Variants in ZNF326 observed in about 807,000 individuals in gnomAD.
ZNF326 encodes DBIRD complex subunit ZNF326.
Under a neutral mutation model 63.1 loss-of-function variants are expected in ZNF326, and 30 were observed. The ratio of observed to expected loss-of-function variants is 0.48; its 90% CI spans 0.36 to 0.64. The LOEUF (loss-of-function observed/expected upper bound fraction) is 0.64, where lower values mean the gene tolerates loss of function less well. Ranked by LOEUF, ZNF326 falls within the 30% of genes least tolerant of loss-of-function variation. The probability of loss-of-function intolerance (pLI) is 0.00; values close to 1 mark genes in which losing one functional copy is unlikely to be tolerated. For synonymous variants in ZNF326, 194 were observed against 228.2 expected (o/e 0.85, Z 1.35); for missense variants, 609 against 720.3 (o/e 0.85, Z 1.77).
intron 2 of ZNF326, among the ~76,000 whole-genome samples, chr1:90,003,258 G>C (rs1648782720): frequency 1.3e-5 from 2 of 151,972 alleles, no homozygotes; most frequent in Non-Finnish European, 2.9e-5. Flanking sequence ...AGCCTGCCGA[G>C]TAGCTGGGAC....
chr1:90,014,878 A>G (rs931117332), intron 7 of ZNF326, among the ~76,000 whole-genome samples: 6 of 152,148 alleles, frequency 3.9e-5, no homozygotes, highest in Admixed American at 1.3e-4. Flanking sequence ...TGTAAAAATC[A>G]TTTTACATTA....
Position 90,017,361 on chromosome 1 carries a change from A to C in ZNF326, c.971A>C (p.Glu324Ala). Residue 324 changes from glutamate to alanine, a missense_variant, in exon 8 of 12, where the codon GAA becomes GCA. By Grantham distance (107) the Glu-to-Ala change is moderately radical. Transcript: ENST00000340281. ...TTTTGTAAATTTCGAACATTTGAAG[A>C]AAAAGATATTGAACTGCATCTGGAA... is the stretch of plus-strand genomic sequence containing the variant. ...CSFCKFRTFE[E>A]KDIELHLESS... 6.2e-7 allele frequency: 1 copy of C among 1,605,174 alleles called. No individual in the cohort carries two copies. Among genetic ancestry groups the C allele is most frequent in the Non-Finnish European group, 8.5e-7 (1 of 1,177,410 alleles).
intron 1 of ZNF326, among the ~76,000 whole-genome samples, chr1:89,995,692 C>G (rs1557512046): frequency 6.6e-6 from 1 of 152,276 alleles, no homozygotes; most frequent in Non-Finnish European, 1.5e-5. Context: ...AGTTAATCCT[C>G]AGCCTCGGGT....
intron 7 of ZNF326, among the ~76,000 whole-genome samples, chr1:90,014,629 G>A (rs1247718536): frequency 1.3e-5 from 2 of 152,166 alleles, no homozygotes; most frequent in Middle Eastern, 3.4e-3. Context: ...TTTTCTTAAA[G>A]CCTTGAGCCC....
In ZNF326 at chr1:90,007,808, C is replaced by G. The variant is rs545019432; in HGVS notation, c.615+58C>G. ...CACTAGTCACTCTTTTAAACCCTTT[C>G]AAGACCATCGTTTTCAACTAGAATA... On this transcript the variant is annotated intron_variant, in intron 5 of 11. Transcript: ENST00000340281. This position sits in a 1 kb window ranked among gnomAD's most constrained non-coding sequence, Gnocchi z 4.9. The G allele has an allele frequency of 7.8e-6, 11 of 1,401,658 alleles. No individual in the cohort carries two copies. In the East Asian group the frequency reaches 2.7e-4, roughly 34 times the overall value. The allele number at this position is 1,401,658 out of a possible 1,614,324, so 86.8% of individuals were successfully genotyped here.
rs769893333 is a variant in ZNF326, at chr1:90,020,841, C to T, written c.1224C>T (p.Ser408=). The T allele has an allele frequency of 6.8e-6, 11 of 1,612,756 alleles. No individual in the cohort carries two copies. Among genetic ancestry groups the T allele is most frequent in the East Asian group, 4.5e-5 (2 of 44,820 alleles). The change falls in exon 10 of 12, where the codon AGC becomes AGT. Residue 408 remains serine (S), a synonymous_variant. Coordinates refer to ENST00000340281, the MANE Select transcript of ZNF326 (RefSeq NM_182976.4). ...HMMKVETVHC[S]ACSVYIPALH... is the part of the protein sequence containing the mutation. ...TGAAGGTAGAGACAGTTCATTGCAG[C>T]GCTTGCAGTGTTTATATCCCTGCTT...
chr1:89,996,421 T>C (rs189103782), intron 1 of ZNF326, among the ~76,000 whole-genome samples: 77 of 152,358 alleles, frequency 5.1e-4, no homozygotes, highest in Admixed American at 3.8e-3. Flanking sequence ...AGCTTTCATA[T>C]CTAGGTACAG....
At chr1:90,018,976 A>G (rs1056796182) in intron 9 of ZNF326, among the ~76,000 whole-genome samples, 192 bp downstream of exon 9, 2 of 152,094 alleles carry the variant, frequency 1.3e-5, no homozygotes, top group Non-Finnish European at 2.9e-5. Flanking sequence ...ACCTGCCATT[A>G]CTTTCTTCAC....
Position 90,028,542 on chromosome 1 carries a change from A to G in ZNF326, c.*841A>G, listed in dbSNP as rs761880564. 2.0e-5 allele frequency: 3 copies of G among 152,126 alleles called. No homozygotes were observed. Among genetic ancestry groups the G allele is most frequent in the East Asian group, 1.9e-4 (1 of 5,198 alleles). The allele number at this position is 152,126 out of a possible 1,614,324, so 9.4% of individuals were successfully genotyped here. On this transcript the variant is annotated 3_prime_UTR_variant, in exon 12 of 12. Transcript: ENST00000340281. ...ATACATTTGATACAAAGTTTTCTGT[A>G]GTTGTGTTAGTTCTTTTGTCATGTC...
chr1:90,016,199 A>G (rs1649494654), intron 7 of ZNF326, among the ~76,000 whole-genome samples: 1 of 152,006 alleles, frequency 6.6e-6, no homozygotes, highest in Non-Finnish European at 1.5e-5. Flanking sequence ...TTCTCATCTC[A>G]ATGTAAGAAA....
chr1:90,022,220 A>G (rs757941234), intron 10 of ZNF326, 30 bp from the exon 11 acceptor site: 6 of 1,487,216 alleles, frequency 4.0e-6, no homozygotes, highest in Non-Finnish European at 5.5e-6. Context: ...ATGGTTTTCA[A>G]GAACCCTCAG....
rs2101112916 is a variant in ZNF326, at chr1:90,033,770, T to C, written c.*6069T>C. ...ACCCAGAACACCATCTGTTTAAAAA[T>C]TAAACTTCATGAGATTAAGAGCCAT... On this transcript the variant is annotated 3_prime_UTR_variant, in exon 12 of 12. Transcript: ENST00000340281. 6.6e-6 allele frequency: 1 copy of C among 152,182 alleles called. No individual in the cohort carries two copies. The highest frequency in any genetic ancestry group is 1.9e-4 in the East Asian group (1 of 5,182). 9.4% of individuals were successfully genotyped at this position (152,182 alleles called of 1,614,324 possible).
At chr1:90,004,271 C>G (rs1648848606) in intron 2 of ZNF326, among the ~76,000 whole-genome samples, 2 of 151,714 alleles carry the variant, frequency 1.3e-5, no homozygotes, top group Admixed American at 1.3e-4. Context: ...ATAGATTGGT[C>G]TCAATCTGTG....
In ZNF326 at chr1:90,034,533, TA is replaced by T. The variant is rs1307743784; in HGVS notation, c.*6833del. On this transcript the variant is annotated 3_prime_UTR_variant, in exon 12 of 12. Transcript: ENST00000340281. ...AATGACCATGAAGCAAAAACCACAA[TA>T]TTTTTTTGTTTGTTGATAGGTAGGA... The T allele has an allele frequency of 3.9e-5, 6 of 152,166 alleles. No homozygotes were observed. The highest frequency in any genetic ancestry group is 5.9e-5 in the Non-Finnish European group (4 of 67,988). The allele number at this position is 152,166 out of a possible 1,614,324, so 9.4% of individuals were successfully genotyped here. A position where few individuals can be genotyped will look rare whatever the true frequency, so the allele number is the denominator to read the frequency against.
Position 90,022,133 on chromosome 1 carries a change from TG to T in ZNF326, c.1306-116del, listed in dbSNP as rs1649799090. ...TAGTAGTTGCTATTGCTCTATAGTT[TG>T]TAAGAAGATAAGTCATTTAAATCTA... is the stretch of plus-strand genomic sequence containing the variant. On this transcript the variant is annotated intron_variant, in intron 10 of 11. Coordinates refer to ENST00000340281, the MANE Select transcript of ZNF326 (RefSeq NM_182976.4). 6.8e-6 allele frequency: 5 copies of T among 736,274 alleles called. No homozygotes were observed. The East Asian group carries it at 1.3e-4, about 19-fold the overall frequency. 45.6% of individuals were successfully genotyped at this position (736,274 alleles called of 1,614,324 possible). A position where few individuals can be genotyped will look rare whatever the true frequency, so the allele number is the denominator to read the frequency against.
At chr1:90,014,210 C>T (rs2101075241) in intron 7 of ZNF326, among the ~76,000 whole-genome samples, 1 of 151,566 alleles carries the variant, frequency 6.6e-6, no homozygotes. Context: ...GATTTTTTTC[C>T]CAGGCTTAAA....
In ZNF326 at chr1:90,004,660, G is replaced by C. The variant is rs534717673; in HGVS notation, c.62-343G>C. Among the ~76,000 whole-genome samples the C allele has an allele frequency of 7.8e-4, 119 of 152,030 alleles. 1 individual carries two copies. The highest frequency in any genetic ancestry group is 1.3e-3 in the Non-Finnish European group (88 of 67,992). ...GAGCCCAGGAGTTCGAGACCAGCCT[G>C]GGCAACACGGTGAAAGCCCATCTCT... On this transcript the variant is annotated intron_variant, in intron 2 of 11. Transcript: ENST00000340281.
Position 90,033,392 on chromosome 1 carries a change from A to G in ZNF326, c.*5691A>G, listed in dbSNP as rs1020765744. 3 of 152,154 alleles carry G rather than the reference A, an allele frequency of 2.0e-5. No individual in the cohort carries two copies. Among genetic ancestry groups the G allele is most frequent in the Admixed American group, 1.3e-4 (2 of 15,270 alleles). 9.4% of individuals were successfully genotyped at this position (152,154 alleles called of 1,614,324 possible). A position where few individuals can be genotyped will look rare whatever the true frequency, so the allele number is the denominator to read the frequency against. ...AGCAGAAAGAATTCCTGGGGAAACA[A>G]TTCAGGGGGAAAAAATGACCAAGTA... is the stretch of plus-strand genomic sequence containing the variant. On this transcript the variant is annotated 3_prime_UTR_variant, in exon 12 of 12. Transcript: ENST00000340281.
At chr1:90,023,364 A>G (rs1649863703) in intron 11 of ZNF326, among the ~76,000 whole-genome samples, 1 of 152,224 alleles carries the variant, frequency 6.6e-6, no homozygotes, top group African/African-American at 2.4e-5. Flanking sequence ...TATTTTGTCT[A>G]TTGTGACTCT....
Sources: allele counts gnomAD v4.1 joint callset (sites outside exome capture counted in the v4.1 genomes callset), GRCh38; gene constraint gnomAD v4.1.1; non-coding constraint Gnocchi (gnomAD v3.1); transcripts MANE v1.5; gene names NCBI Gene and HGNC (gene_info 2026-07-23, HGNC 2026-07-21).